CD8A: variants seen among roughly 807,000 people sequenced by gnomAD.
CD8A encodes CD8 subunit alpha.
CD8A carries 25 observed loss-of-function variants against 24.2 expected under a neutral mutation model. The observed-to-expected ratio is 1.03, with a 90% CI of 0.75 to 1.44. The LOEUF (loss-of-function observed/expected upper bound fraction) is 1.44. CD8A is among the 40% of genes most tolerant of loss of function. The pLI, the probability that CD8A is intolerant of heterozygous loss-of-function variation, is 0.00. For missense variants in CD8A, 360 were observed against 319.7 expected (o/e 1.13, Z -0.96); for synonymous variants, 165 against 149.9 (o/e 1.10, Z -0.74).
chr2:86,788,611 T>C (rs769263350), intron 4 of CD8A, 51 bp from the exon 5 acceptor site: 1 of 1,522,798 alleles, frequency 6.6e-7, no homozygotes, highest in Admixed American at 1.7e-5. Context: ...CCATCAATAG[T>C]CCCCAAAGAC....
chr2:86,805,032 A>T (rs1398927160), intron 2 of CD8A, among the ~76,000 whole-genome samples: 1 of 151,188 alleles, frequency 6.6e-6, no homozygotes, highest in Non-Finnish European at 1.5e-5. Flanking sequence ...CGAACTCCTG[A>T]CCTCAAGTGA....
In CD8A at chr2:86,790,847, C is replaced by G; in HGVS notation, c.-22G>C. 1 of 1,538,718 alleles carries G rather than the reference C, an allele frequency of 6.5e-7. No homozygotes were observed. Among genetic ancestry groups the G allele is most frequent in the Non-Finnish European group, 8.7e-7 (1 of 1,146,714 alleles). On this transcript the variant is annotated 5_prime_UTR_variant, in exon 1 of 6. Coordinates refer to ENST00000283635, the MANE Select transcript of CD8A (RefSeq NM_001768.7). ...CCATGACGCGCTCCCCAGGACGCTGCTTGGCTCGAAGCTCGGGCGCGAGGG... is the reference window on the plus strand; with the variant it reads ...CCATGACGCGCTCCCCAGGACGCTGGTTGGCTCGAAGCTCGGGCGCGAGGG...
At chr2:86,801,837 TA>T (rs1479766524) in intron 2 of CD8A, among the ~76,000 whole-genome samples, 2 of 152,184 alleles carry the variant, frequency 1.3e-5, no homozygotes, top group Non-Finnish European at 2.9e-5. Context: ...TAAATCCTGT[TA>T]TTTTATGGGT....
In CD8A at chr2:86,805,910, C is replaced by T. The variant is rs75506306; in HGVS notation, c.-418+1537G>A. On this transcript the variant is annotated intron_variant, in intron 2 of 8. Transcript: ENST00000409511. ...AAAAATACACTGCATCCAAAAAAGG[C>T]TCGTTTCTTTTTCTTTCTTTCTCTC... Among the ~76,000 whole-genome samples the T allele has an allele frequency of 3.9e-3, 594 of 152,036 alleles. 3 individuals carry two copies. Among genetic ancestry groups the T allele is most frequent in the African/African-American group, 0.011 (447 of 41,428 alleles).
chr2:86,785,102 G>A lies in CD8A; in HGVS notation c.*818C>T, dbSNP rs1348309178. 1 of 453,968 alleles carries A rather than the reference G, an allele frequency of 2.2e-6. No individual in the cohort carries two copies. Among genetic ancestry groups the A allele is most frequent in the African/African-American group, 2.0e-5 (1 of 49,982 alleles). The allele number at this position is 453,968 out of a possible 1,614,324, so 28.1% of individuals were successfully genotyped here. ...CTGATGCTCAAATTCTATTTGTAAAGGGGTAGCCTGTCCTCTTTCATGGGC... is the reference window on the plus strand; with the variant it reads ...CTGATGCTCAAATTCTATTTGTAAAAGGGTAGCCTGTCCTCTTTCATGGGC... On this transcript the variant is annotated 3_prime_UTR_variant, in exon 6 of 6. Coordinates refer to ENST00000283635, the MANE Select transcript of CD8A (RefSeq NM_001768.7).
At chr2:86,807,767 G>C (rs1387119912) in exon 2 of CD8A, 1 of 152,612 alleles carries the variant, frequency 6.6e-6, no homozygotes, top group Non-Finnish European at 1.5e-5. Context: ...ACGAGAGCCG[G>C]TGTGCCTGAA....
rs760876561 is a variant in CD8A, at chr2:86,790,366, A to C, written c.365T>G (p.Ile122Ser). 2.5e-6 allele frequency: 4 copies of C among 1,613,884 alleles called. No homozygotes were observed. Among genetic ancestry groups the C allele is most frequent in the Non-Finnish European group, 3.4e-6 (4 of 1,179,992 alleles). The change falls in exon 2 of 6, where the codon ATC becomes AGC. Residue 122 changes from isoleucine (I) to serine (S), a missense_variant. By Grantham distance (142) the Ile-to-Ser change is moderately radical (BLOSUM62 -2). Transcript: ENST00000283635. Reference protein sequence around the residue: ...YYFCSALSNSIMYFSHFVPVF... With the variant: ...YYFCSALSNSSMYFSHFVPVF... ...CGGCACGAAGTGGCTGAAGTACATG[A>C]TGGAGTTGCTCAGGGCCGAGCAGAA...
chr2:86,797,973 G>A (rs551828670), intron 3 of CD8A, among the ~76,000 whole-genome samples: 1 of 152,258 alleles, frequency 6.6e-6, no homozygotes, highest in African/African-American at 2.4e-5. Context: ...AATGAGTGTG[G>A]ATTTGTCTAT....
rs377368314 is a variant in CD8A at position 86,786,816 on chromosome 2, C to T, written c.657-845G>A. On this transcript the variant is annotated intron_variant, in intron 5 of 5. Coordinates refer to ENST00000283635, the MANE Select transcript of CD8A (RefSeq NM_001768.7). ...CGGGCGGATCACGAGGTCAGGAGAT[C>T]GAGACCATCCTGGCTAACACGGTGA... Among the ~76,000 whole-genome samples, 170 of 151,850 alleles carry T rather than the reference C, an allele frequency of 1.1e-3. 5 individuals carry two copies. In the East Asian group the frequency reaches 0.029, roughly 26 times the overall value.
At chr2:86,806,053 A>G (rs1314153245) in intron 2 of CD8A, among the ~76,000 whole-genome samples, 1 of 152,180 alleles carries the variant, frequency 6.6e-6, no homozygotes, top group Non-Finnish European at 1.5e-5. Flanking sequence ...AGCCAGTGGA[A>G]ACTTTTCTTT....
Position 86,789,422 on chromosome 2 carries a change from C to T in CD8A, c.526G>A (p.Gly176Arg), listed in dbSNP as rs1673168662. 3 of 1,613,422 alleles carry T rather than the reference C, an allele frequency of 1.9e-6. No individual in the cohort carries two copies. The highest frequency in any genetic ancestry group is 2.5e-6 in the Non-Finnish European group (3 of 1,179,312). ...TAGATATCACAGGCGAAGTCCAGCC[C>T]CCTCGTGTGCACTGACGACACCAAA... ...PAAGGAVHTR[G>R]LDFACDIYIW... Residue 176 changes from glycine (G) to arginine (R), a missense_variant, in exon 4 of 6, where the codon GGG becomes AGG. By Grantham distance (125) the Gly-to-Arg change is moderately radical. Coordinates refer to ENST00000283635, the MANE Select transcript of CD8A (RefSeq NM_001768.7).
intron 2 of CD8A, among the ~76,000 whole-genome samples, chr2:86,803,030 C>T (rs1673725139): frequency 1.3e-5 from 2 of 152,018 alleles, no homozygotes; most frequent in Non-Finnish European, 2.9e-5. Context: ...TATTTATGTG[C>T]TATTAGAAAT....
At chr2:86,787,070 T>G (rs1347188404) in intron 5 of CD8A, among the ~76,000 whole-genome samples, 8 of 103,828 alleles carry the variant, frequency 7.7e-5, no homozygotes, top group Non-Finnish European at 1.4e-4. Context: ...AGCTAAAAAC[T>G]TCCCCCCCCA....
In CD8A at chr2:86,787,898, A is replaced by AGAGAGAGAGAGAGAGTGT. The variant is rs369993109; in HGVS notation, c.656+631_656+632insACACTCTCTCTCTCTCTC. Among the ~76,000 whole-genome samples the AGAGAGAGAGAGAGAGTGT allele has an allele frequency of 1.8e-3, 256 of 144,584 alleles. 1 individual carries two copies. Among genetic ancestry groups the AGAGAGAGAGAGAGAGTGT allele is most frequent in the African/African-American group, 5.9e-3 (229 of 38,976 alleles). 94.9% of individuals were successfully genotyped at this position (144,584 alleles called of 152,430 possible). A position where few individuals can be genotyped will look rare whatever the true frequency, so the allele number is the denominator to read the frequency against. ...TTAACAGAGAGGGAGAGAGAGAGAGAGTGTGTGTGTGTGTGTGTGTGTGTG... is the reference window on the plus strand; with the variant it reads ...TTAACAGAGAGGGAGAGAGAGAGAGAGAGAGAGAGAGAGAGTGTGTGTGTGTGTGTGTGTGTGTGTGTG... On this transcript the variant is annotated intron_variant, in intron 5 of 5. Coordinates refer to ENST00000283635, the MANE Select transcript of CD8A (RefSeq NM_001768.7).
intron 3 of CD8A, among the ~76,000 whole-genome samples, chr2:86,801,096 C>T (rs992246686): frequency 6.6e-6 from 1 of 152,182 alleles, no homozygotes; most frequent in African/African-American, 2.4e-5. Flanking sequence ...TCAGAAGGAA[C>T]ACACCCAGCT....
intron 5 of CD8A, among the ~76,000 whole-genome samples, chr2:86,786,837 G>A (rs927725472): frequency 5.3e-5 from 8 of 151,632 alleles, no homozygotes; most frequent in African/African-American, 1.7e-4. Flanking sequence ...TGGCTAACAC[G>A]GTGAAACCCC....
upstream of CD8A, among the ~76,000 whole-genome samples, chr2:86,794,619 C>T (rs1673421643): frequency 6.6e-6 from 1 of 152,156 alleles, no homozygotes; most frequent in African/African-American, 2.4e-5. Flanking sequence ...AGCTGCTGTC[C>T]TTCTTTCCTG....
At chr2:86,802,675 C>T (rs950385098) in intron 2 of CD8A, among the ~76,000 whole-genome samples, 1 of 152,164 alleles carries the variant, frequency 6.6e-6, no homozygotes, top group Non-Finnish European at 1.5e-5. Flanking sequence ...GCACAATCTC[C>T]ACTCACTGCA....
intron 2 of CD8A, 70 bp from the exon 3 acceptor site, chr2:86,789,820 G>T (rs1673196458): frequency 3.2e-6 from 3 of 927,308 alleles, no homozygotes; most frequent in Non-Finnish European, 4.4e-6. Flanking sequence ...CCGGCCTCGC[G>T]CACCTTTCCC....
Sources: gnomAD v4.1 joint callset for allele counts (sites outside exome capture counted in the v4.1 genomes callset) on GRCh38, gnomAD v4.1.1 for gene constraint, MANE v1.5 for transcripts, NCBI Gene and HGNC (gene_info 2026-07-23, HGNC 2026-07-21) for gene names.